The following PHF6 variants were observed in gnomAD, a reference collection of about 807,000 sequenced individuals.
PHF6 encodes PHD-like zinc finger protein.
In PHF6, 7 loss-of-function variants were observed where a neutral mutation model predicts 34.0. That is an observed-to-expected ratio of 0.21 (90% CI 0.12 to 0.39). PHF6 has a LOEUF of 0.39. Among genes scored for constraint, PHF6 ranks in the 10% least tolerant of loss-of-function variants. PHF6 has a pLI of 1.00. For synonymous variants in PHF6, 89 were observed against 88.4 expected, an observed-to-expected ratio of 1.01 and a Z score of -0.04; for missense variants, 128 against 262.8, an observed-to-expected ratio of 0.49 and a Z score of 3.55.
chrX:134,392,214 A>G (rs1490701334), intron 3 of PHF6, among the ~76,000 whole-genome samples: 1 of 112,408 alleles, frequency 8.9e-6, no homozygotes, highest in Non-Finnish European at 1.9e-5. Flanking sequence ...TCCAAAAGTT[A>G]GGAATGCTAA....
intron 5 of PHF6, among the ~76,000 whole-genome samples, chrX:134,408,355 C>G (rs1253540946): frequency 8.9e-6 from 1 of 112,075 alleles, no homozygotes; most frequent in Non-Finnish European, 1.9e-5. Context: ...AGATAAAAGT[C>G]TTAGAAATGG....
In PHF6 at chrX:134,377,648, C is replaced by T. The variant is rs2077283804; in HGVS notation, c.31C>T (p.Pro11Ser). The T allele has an allele frequency of 5.8e-6, 7 of 1,209,815 alleles. No individual in the cohort carries two copies. The highest frequency in any genetic ancestry group is 7.8e-6 in the Non-Finnish European group (7 of 894,428). The change falls in exon 2 of 11, where the codon CCT becomes TCT. Residue 11 changes from proline (P) to serine (S), a missense_variant. Pro to Ser is a moderately conservative substitution (Grantham distance 74). This residue lies in a region of PHF6 where 97 missense variants were observed against 152.9 expected (regional missense o/e 0.63). Coordinates refer to ENST00000370803, the MANE Select transcript of PHF6 (RefSeq NM_001015877.2). MSSSVEQKKG[P>S]TRQRKCGFCK... Reference sequence around the variant, plus strand: ...AAGCTCAGTTGAACAGAAAAAAGGGCCTACAAGACAGCGCAAATGTGGCTT... The same window carrying T: ...AAGCTCAGTTGAACAGAAAAAAGGGTCTACAAGACAGCGCAAATGTGGCTT...
intron 5 of PHF6, among the ~76,000 whole-genome samples, chrX:134,409,909 A>C (rs749935684): frequency 9.0e-6 from 1 of 110,804 alleles, no homozygotes; most frequent in African/African-American, 3.3e-5. Context: ...AGCATGTTGC[A>C]TTTGGTTTTC....
At position 134,413,809 on chromosome X, in the gene PHF6, T is replaced by G. The variant is rs372007731; in HGVS notation, c.586-14T>G. 8.3e-7 allele frequency: 1 copy of G among 1,209,302 alleles called. No individual in the cohort carries two copies. The highest frequency in any genetic ancestry group is 3.0e-5 in the East Asian group (1 of 33,771). On this transcript the variant is annotated splice_polypyrimidine_tract_variant and intron_variant, in intron 6 of 10. Coordinates refer to ENST00000370803, the MANE Select transcript of PHF6 (RefSeq NM_001015877.2). ...TGATTTTTTTTAAGTTCGTTTTTTC[T>G]TTTACATTTGCAGAGAGATAGGTCT... is the stretch of plus-strand genomic sequence containing the variant.
chrX:134,413,996 G>GT (rs2077461903), intron 7 of PHF6, 30 bp downstream of exon 7: 7 of 1,195,096 alleles, frequency 5.9e-6, no homozygotes, highest in Non-Finnish European at 5.7e-6. Context: ...GCCCAATTTT[G>GT]TTTTTTTGTT....
chrX:134,392,981 G>A (rs1357805747), intron 3 of PHF6, among the ~76,000 whole-genome samples: 1 of 111,125 alleles, frequency 9.0e-6, no homozygotes, highest in Non-Finnish European at 1.9e-5. Context: ...TGTATTTTTA[G>A]TAGAGATGGG....
At chrX:134,390,370 CTCTT>C (rs1039861725) in intron 3 of PHF6, among the ~76,000 whole-genome samples, 1 of 111,675 alleles carries the variant, frequency 9.0e-6, no homozygotes, top group African/African-American at 3.2e-5. Flanking sequence ...GTATGTCTTC[CTCTT>C]TCTTGTCTTT....
chrX:134,391,052 G>A (rs896121594), intron 3 of PHF6, among the ~76,000 whole-genome samples: 11 of 96,553 alleles, frequency 1.1e-4, no homozygotes, highest in Admixed American at 3.9e-4. Context: ...TCAGCTCACC[G>A]CAACCTTTAC....
In PHF6 at chrX:134,417,150, T is replaced by G; in HGVS notation, c.835-19T>G. Reference sequence around the variant, plus strand: ...TTTCTTGAAATACGGCTTACGATTATTTCTCTTTCCTTATACAGAAATGTA... The same window carrying G: ...TTTCTTGAAATACGGCTTACGATTAGTTCTCTTTCCTTATACAGAAATGTA... On this transcript the variant is annotated intron_variant, in intron 8 of 10. Transcript: ENST00000370803. 8.3e-7 allele frequency: 1 copy of G among 1,209,947 alleles called. No individual in the cohort carries two copies. The highest frequency in any genetic ancestry group is 1.1e-6 in the Non-Finnish European group (1 of 894,162).
chrX:134,397,302 T>A (rs1391564179), intron 5 of PHF6, among the ~76,000 whole-genome samples: 1 of 112,001 alleles, frequency 8.9e-6, no homozygotes, highest in African/African-American at 3.2e-5. Context: ...TATTTACCTG[T>A]TAGTGGTGAT....
chrX:134,381,897 A>T (rs958355959), intron 3 of PHF6, among the ~76,000 whole-genome samples: 2 of 111,659 alleles, frequency 1.8e-5, no homozygotes, highest in Admixed American at 1.9e-4. Flanking sequence ...ATTCAAAATC[A>T]TCGAAAACTG....
intron 5 of PHF6, among the ~76,000 whole-genome samples, chrX:134,396,914 A>C (rs973880510): frequency 1.7e-4 from 19 of 109,354 alleles, no homozygotes; most frequent in Non-Finnish European, 3.2e-4. Context: ...ATTGTACTGC[A>C]CTAGTCTCCA....
intron 9 of PHF6, among the ~76,000 whole-genome samples, chrX:134,420,577 A>AC (rs1168793797): frequency 9.1e-6 from 1 of 109,960 alleles, no homozygotes; most frequent in Non-Finnish European, 1.9e-5. Flanking sequence ...TTAAAAAAAA[A>AC]ACACACAAAG....
At chrX:134,374,241 A>G (rs1401443423) in intron 1 of PHF6, among the ~76,000 whole-genome samples, 1 of 111,808 alleles carries the variant, frequency 8.9e-6, no homozygotes, top group Non-Finnish European at 1.9e-5. Flanking sequence ...TCTGCGTGGA[A>G]GTTAAAAAAT....
chrX:134,386,243 A>G (rs781373652), intron 3 of PHF6, among the ~76,000 whole-genome samples: 15 of 111,538 alleles, frequency 1.3e-4, no homozygotes, highest in Non-Finnish European at 1.9e-4. Flanking sequence ...CACATTGTAT[A>G]GAATGCTGCC....
At chrX:134,376,571 A>C (rs1450889656) in intron 1 of PHF6, among the ~76,000 whole-genome samples, 4 of 111,620 alleles carry the variant, frequency 3.6e-5, no homozygotes, top group Admixed American at 1.9e-4. Context: ...ACTACCTATA[A>C]TTAAAATGTG....
intron 5 of PHF6, among the ~76,000 whole-genome samples, chrX:134,409,151 A>G (rs914196499): frequency 5.4e-5 from 6 of 111,339 alleles, no homozygotes; most frequent in Non-Finnish European, 1.1e-4. Context: ...ATTCTCCGCT[A>G]TTTTCTCCTA....
intron 5 of PHF6, among the ~76,000 whole-genome samples, chrX:134,409,815 C>G (rs374900292): frequency 1.1e-4 from 12 of 110,513 alleles, no homozygotes; most frequent in African/African-American, 4.0e-4. Flanking sequence ...CTCCCTCTCT[C>G]CTCCCTCTAG....
At chrX:134,384,512 ACCACCCCGC>A (rs1438782155) in intron 3 of PHF6, among the ~76,000 whole-genome samples, 9 of 111,055 alleles carry the variant, frequency 8.1e-5, no homozygotes, top group Non-Finnish European at 1.3e-4. Context: ...AGTATTCATT[ACCACCCCGC>A]CCACCACGCC....
Sources: gnomAD v4.1 joint callset for allele counts (sites outside exome capture counted in the v4.1 genomes callset) on GRCh38, gnomAD v4.1.1 for gene constraint, gnomAD v4.1.1 regional missense constraint, MANE v1.5 for transcripts, NCBI Gene and HGNC (gene_info 2026-07-23, HGNC 2026-07-21) for gene names.